The following PPP2R5E variants were observed in gnomAD, a reference collection of about 807,000 sequenced individuals.
PPP2R5E encodes protein phosphatase 2 regulatory subunit B'epsilon.
A neutral mutation model predicts 65.3 loss-of-function variants in PPP2R5E; 4 were observed. The observed-to-expected ratio is 0.06, with a 90% CI of 0.03 to 0.14. PPP2R5E has a LOEUF of 0.14. PPP2R5E is among the 10% of genes least tolerant of loss of function. The pLI, the probability that PPP2R5E is intolerant of heterozygous loss-of-function variation, is 1.00. For synonymous variants in PPP2R5E, 183 were observed against 187.4 expected, an observed-to-expected ratio of 0.98 and a Z score of 0.19; for missense variants, 274 against 556.1, an observed-to-expected ratio of 0.49 and a Z score of 5.10.
At position 63,480,414 on chromosome 14, in the gene PPP2R5E, C is replaced by A. The variant is rs1298012331; in HGVS notation, c.158-26529G>T. ...GAGGCTGCAGTGAACCGAGATCACA[C>A]CACTGCACTCCAGTCTAGGCAACAG... On this transcript the variant is annotated intron_variant, in intron 2 of 13. Coordinates refer to ENST00000337537, the MANE Select transcript of PPP2R5E (RefSeq NM_006246.5). Among the ~76,000 whole-genome samples, 4 of 152,288 alleles carry A rather than the reference C, an allele frequency of 2.6e-5. No homozygotes were observed. In the East Asian group the frequency reaches 7.7e-4, roughly 29 times the overall value.
intron 2 of PPP2R5E, among the ~76,000 whole-genome samples, chr14:63,521,482 C>G (rs1165138271): frequency 6.6e-6 from 1 of 152,182 alleles, no homozygotes; most frequent in Non-Finnish European, 1.5e-5. Context: ...GCCTGACCAA[C>G]ATGGAGAAAT....
chr14:63,517,334 A>G (rs904946121), intron 2 of PPP2R5E, among the ~76,000 whole-genome samples: 9 of 152,274 alleles, frequency 5.9e-5, no homozygotes, highest in Non-Finnish European at 1.2e-4. Context: ...AATTTCACCA[A>G]GAATATTTTG....
At chr14:63,415,435 C>T (rs1272425796) in intron 4 of PPP2R5E, among the ~76,000 whole-genome samples, 1 of 152,098 alleles carries the variant, frequency 6.6e-6, no homozygotes, top group Non-Finnish European at 1.5e-5. Context: ...GAAAATACAA[C>T]TAAACAAAGC....
chr14:63,451,164 A>C (rs970138986), intron 3 of PPP2R5E: 2 of 152,180 alleles, frequency 1.3e-5, no homozygotes, highest in African/African-American at 4.8e-5. Context: ...TTAAAAAAAA[A>C]CTAAACATAC....
At chr14:63,456,101 T>G (rs966998344) in intron 2 of PPP2R5E, among the ~76,000 whole-genome samples, 8 of 152,212 alleles carry the variant, frequency 5.3e-5, no homozygotes, top group Admixed American at 4.6e-4. Context: ...TCGTTACAGG[T>G]CAAAATCTTT....
chr14:63,511,994 A>G (rs8009717), intron 2 of PPP2R5E, among the ~76,000 whole-genome samples: 37,075 of 149,624 alleles, frequency 0.25, 4,638 homozygotes, highest in African/African-American at 0.31. Context: ...CAGAAGAATC[A>G]CCTGAACCTG....
At chr14:63,522,190 C>G (rs1218612250) in intron 2 of PPP2R5E, among the ~76,000 whole-genome samples, 1 of 152,150 alleles carries the variant, frequency 6.6e-6, no homozygotes, top group South Asian at 2.1e-4. Context: ...GAGTGATCCA[C>G]CAGCCTCGGC....
At chr14:63,449,721 C>T (rs1888701199) in intron 3 of PPP2R5E, among the ~76,000 whole-genome samples, 1 of 120,058 alleles carries the variant, frequency 8.3e-6, no homozygotes, top group Admixed American at 1.0e-4. Context: ...CTACCCTCCC[C>T]CCACCCTATG....
At chr14:63,445,837 G>A (rs571203556) in intron 3 of PPP2R5E, among the ~76,000 whole-genome samples, 193 of 145,060 alleles carry the variant, frequency 1.3e-3, no homozygotes, top group Admixed American at 3.0e-3. Context: ...GTGAGACTCC[G>A]TCTCAAAAAA....
intron 8 of PPP2R5E, among the ~76,000 whole-genome samples, chr14:63,393,488 C>T (rs145277970): frequency 0.013 from 1,929 of 152,174 alleles, 61 homozygotes; most frequent in East Asian, 0.12. Context: ...CCAAGGTGGG[C>T]GGATCATGAG....
chr14:63,420,771 G>GAATACATTTCTACGAAAATGCA (rs1243319267), intron 4 of PPP2R5E, among the ~76,000 whole-genome samples: 3 of 104,056 alleles, frequency 2.9e-5, no homozygotes, highest in African/African-American at 1.0e-4. Flanking sequence ...GTCAACCTGA[G>GAATACATTTCTACGAAAATGCA]GCCGGGCGCG....
chr14:63,469,689 G>A lies in PPP2R5E; in HGVS notation c.158-15804C>T, dbSNP rs189369895. Among the ~76,000 whole-genome samples, 147 of 152,190 alleles carry A rather than the reference G, an allele frequency of 9.7e-4. 1 individual carries two copies. Among genetic ancestry groups the A allele is most frequent in the African/African-American group, 2.7e-3 (114 of 41,530 alleles). On this transcript the variant is annotated intron_variant, in intron 2 of 13. Transcript: ENST00000337537. The stretch of plus-strand genomic sequence containing the variant: ...AGCCTGGGCGACAGAGCAAGACTCC[G>A]TTTCAAAAAAATCAAGTAAAGTATC...
chr14:63,395,086 A>C (rs1271063880), intron 7 of PPP2R5E, 140 bp downstream of exon 7: 2 of 655,706 alleles, frequency 3.1e-6, no homozygotes, highest in East Asian at 5.7e-5. Flanking sequence ...GTCAGCTGGA[A>C]AATATGCTAA....
At chr14:63,523,518 G>C (rs111520878) in intron 2 of PPP2R5E, among the ~76,000 whole-genome samples, 1 of 151,760 alleles carries the variant, frequency 6.6e-6, no homozygotes, top group African/African-American at 2.4e-5. Flanking sequence ...CAGCATGCTC[G>C]TTAAGAGTCA....
At position 63,394,070 on chromosome 14, in the gene PPP2R5E, C is replaced by CTT. The variant is rs557273298; in HGVS notation, c.741-144_741-143dup. The CTT allele has an allele frequency of 8.0e-3, 1,448 of 181,166 alleles. 41 individuals are homozygous for CTT. The highest frequency in any genetic ancestry group is 0.012 in the South Asian group (137 of 11,790). The allele number at this position is 181,166 out of a possible 1,614,324, so 11.2% of individuals were successfully genotyped here. A position where few individuals can be genotyped will look rare whatever the true frequency, so the allele number is the denominator to read the frequency against. On this transcript the variant is annotated intron_variant, in intron 7 of 13. Coordinates refer to ENST00000337537, the MANE Select transcript of PPP2R5E (RefSeq NM_006246.5). Reference sequence around the variant, plus strand: ...CCACCCCAGTGGCATTCAGAATTTCCTTTTTTTTTTTTTTTTTTTTTTTTT... The same window carrying CTT: ...CCACCCCAGTGGCATTCAGAATTTCCTTTTTTTTTTTTTTTTTTTTTTTTTTT...
At chr14:63,519,748 G>A (rs1474812266) in intron 2 of PPP2R5E, among the ~76,000 whole-genome samples, 1 of 150,578 alleles carries the variant, frequency 6.6e-6, no homozygotes, top group Non-Finnish European at 1.5e-5. Context: ...TGCAACTTCC[G>A]CTTCCTGGAT....
chr14:63,497,345 T>C lies in PPP2R5E; in HGVS notation c.157+42184A>G, dbSNP rs569128079. ...GGATTTCATAAAACTTGGCTCCCCA[T>C]CAAAAGGCCACAATTACTCTTTCTT... On this transcript the variant is annotated intron_variant, in intron 2 of 13. Transcript: ENST00000337537. 5.3e-5 allele frequency among the ~76,000 whole-genome samples: 8 copies of C among 152,156 alleles called. No individual in the cohort carries two copies. In the South Asian group the frequency reaches 1.0e-3, roughly 20 times the overall value.
chr14:63,388,110 CTCTTT>C (rs2139767743), intron 11 of PPP2R5E, among the ~76,000 whole-genome samples: 1 of 134,546 alleles, frequency 7.4e-6, no homozygotes, highest in Non-Finnish European at 1.5e-5. Flanking sequence ...TCTGGTGATG[CTCTTT>C]TTTTTTTTTT....
chr14:63,417,258 C>T (rs1032338833), intron 4 of PPP2R5E, among the ~76,000 whole-genome samples: 1 of 152,102 alleles, frequency 6.6e-6, no homozygotes, highest in African/African-American at 2.4e-5. Flanking sequence ...TTTAAAAAGT[C>T]TTTAAGCTTT....
Sources: gnomAD v4.1 joint callset for allele counts (sites outside exome capture counted in the v4.1 genomes callset) on GRCh38, gnomAD v4.1.1 for gene constraint, MANE v1.5 for transcripts, NCBI Gene and HGNC (gene_info 2026-07-23, HGNC 2026-07-21) for gene names.